GRM8: variants seen among roughly 807,000 people sequenced by gnomAD.
GRM8 encodes the protein glutamate metabotropic receptor 8.
In GRM8, 47 loss-of-function variants were observed where a neutral mutation model predicts 87.2. That is an observed-to-expected ratio of 0.54 (90% CI 0.43 to 0.69). The LOEUF is 0.69. GRM8 is among the 30% of genes least tolerant of loss of function. The pLI is 0.00. For synonymous variants in GRM8, 396 were observed against 404.5 expected, an observed-to-expected ratio of 0.98 and a Z score of 0.25; for missense variants, 1,019 against 1,139.2, an observed-to-expected ratio of 0.89 and a Z score of 1.52.
At chr7:127,250,953 C>A (rs563437594) in intron 1 of GRM8, 3 of 152,310 alleles carry the variant, frequency 2.0e-5, no homozygotes, top group African/African-American at 7.2e-5. Flanking sequence ...CACCACCAAC[C>A]CTGTTTTCCA....
intron 3 of GRM8, among the ~76,000 whole-genome samples, chr7:127,035,788 C>A (rs1817791200): frequency 1.3e-5 from 2 of 152,138 alleles, no homozygotes; most frequent in African/African-American, 4.8e-5. Context: ...TAATTCTTCC[C>A]GTAGAGGAGC....
chr7:126,550,319 G>C (rs1223302589), intron 8 of GRM8, among the ~76,000 whole-genome samples: 1 of 151,768 alleles, frequency 6.6e-6, no homozygotes, highest in Admixed American at 6.6e-5. Context: ...TCACCATGTT[G>C]GCCAGGATGG....
intron 7 of GRM8, among the ~76,000 whole-genome samples, chr7:126,683,068 A>C (rs1194925257): frequency 1.3e-5 from 2 of 151,940 alleles, no homozygotes; most frequent in African/African-American, 2.4e-5. Context: ...AAAACAAAAC[A>C]AAAAAAAGTG....
intron 3 of GRM8, 59 bp from the exon 4 acceptor site, chr7:126,904,742 C>T (rs1188363259): frequency 6.9e-7 from 1 of 1,447,400 alleles, no homozygotes; most frequent in South Asian, 1.2e-5. Context: ...ATTAGCAAAC[C>T]CAATTACCTA....
intron 2 of GRM8, among the ~76,000 whole-genome samples, chr7:127,204,208 C>T (rs1237327230): frequency 6.6e-6 from 1 of 152,146 alleles, no homozygotes; most frequent in African/African-American, 2.4e-5. Flanking sequence ...GCTGTTTGTA[C>T]AAGACTTTAT....
intron 1 of GRM8, among the ~76,000 whole-genome samples, chr7:127,248,216 T>C (rs1408121217): frequency 6.6e-6 from 1 of 152,236 alleles, no homozygotes; most frequent in African/African-American, 2.4e-5. Context: ...ACATCAACAC[T>C]TACTGATTGC....
intron 2 of GRM8, among the ~76,000 whole-genome samples, chr7:127,182,675 G>C (rs923019689): frequency 2.8e-5 from 3 of 107,130 alleles, no homozygotes; most frequent in African/African-American, 1.2e-4. Context: ...GTGTGTGTGT[G>C]TGTGTGTATA....
chr7:127,007,187 A>G (rs1293352027), intron 3 of GRM8, among the ~76,000 whole-genome samples: 1 of 152,022 alleles, frequency 6.6e-6, no homozygotes, highest in Non-Finnish European at 1.5e-5. Context: ...ATATTTATAT[A>G]TAAAATTAAT....
At chr7:126,572,875 G>C (rs1162134848) in intron 8 of GRM8, among the ~76,000 whole-genome samples, 1 of 152,114 alleles carries the variant, frequency 6.6e-6, no homozygotes, top group Non-Finnish European at 1.5e-5. Context: ...ATCCTAAGGG[G>C]GTTGAATGAA....
At chr7:127,154,582 T>C (rs1792608052) in intron 2 of GRM8, among the ~76,000 whole-genome samples, 1 of 152,152 alleles carries the variant, frequency 6.6e-6, no homozygotes, top group South Asian at 2.1e-4. Flanking sequence ...TTAACCTTTG[T>C]TCCCCATAAC....
At chr7:126,879,890 C>T (rs1390088412) in intron 6 of GRM8, among the ~76,000 whole-genome samples, 3 of 152,124 alleles carry the variant, frequency 2.0e-5, no homozygotes, top group Non-Finnish European at 4.4e-5. Flanking sequence ...GAGGATTAAA[C>T]TCATCTAGTT....
intron 8 of GRM8, among the ~76,000 whole-genome samples, chr7:126,589,910 A>G (rs916327038): frequency 5.3e-5 from 8 of 152,146 alleles, no homozygotes; most frequent in South Asian, 2.1e-4. Context: ...TCCCTCTGAC[A>G]TAGCCTACAC....
At chr7:126,481,399 A>T (rs962952440) in intron 9 of GRM8, among the ~76,000 whole-genome samples, 1 of 152,144 alleles carries the variant, frequency 6.6e-6, no homozygotes, top group South Asian at 2.1e-4. Context: ...TTCATAATGG[A>T]GAAATCTGGA....
intron 6 of GRM8, among the ~76,000 whole-genome samples, chr7:126,806,867 C>T (rs1418453888): frequency 2.6e-5 from 4 of 152,224 alleles, no homozygotes; most frequent in Non-Finnish European, 5.9e-5. Flanking sequence ...CCCCAGCTCC[C>T]ACCCGCGCGT....
At chr7:126,668,258 A>C (rs13243112) in intron 7 of GRM8, among the ~76,000 whole-genome samples, 20,095 of 152,026 alleles carry the variant, frequency 0.13, 2,068 homozygotes, top group East Asian at 0.32. Flanking sequence ...TGTGAGCCTA[A>C]ATTTTCATAG....
At chr7:127,111,440 C>G (rs1037864837) in intron 2 of GRM8, among the ~76,000 whole-genome samples, 1 of 152,092 alleles carries the variant, frequency 6.6e-6, no homozygotes, top group Non-Finnish European at 1.5e-5. Context: ...ACTACATTTC[C>G]TGGCCTTCCT....
chr7:126,555,147 A>C (rs1793001563), intron 8 of GRM8, among the ~76,000 whole-genome samples: 1 of 152,242 alleles, frequency 6.6e-6, no homozygotes, highest in African/African-American at 2.4e-5. Flanking sequence ...AAACAGACGC[A>C]ATTTATCTTT....
chr7:126,640,054 C>T (rs537209549), intron 7 of GRM8, among the ~76,000 whole-genome samples: 2 of 152,342 alleles, frequency 1.3e-5, no homozygotes, highest in African/African-American at 2.4e-5. Flanking sequence ...CCAGAACACA[C>T]AGACCATAAT....
At chr7:127,178,742 C>A (rs966942393) in intron 2 of GRM8, among the ~76,000 whole-genome samples, 4 of 152,132 alleles carry the variant, frequency 2.6e-5, no homozygotes, top group Non-Finnish European at 1.5e-5. Context: ...CAAAACTAAG[C>A]ATCATATACG....
Sources: gnomAD v4.1 joint callset for allele counts (sites outside exome capture counted in the v4.1 genomes callset) on GRCh38, gnomAD v4.1.1 for gene constraint, MANE v1.5 for transcripts, NCBI Gene and HGNC (gene_info 2026-07-23, HGNC 2026-07-21) for gene names.